SORCS3: variants seen among roughly 807,000 people sequenced by gnomAD.
SORCS3 encodes VPS10 domain-containing receptor SorCS3.
Under a neutral mutation model 146.3 loss-of-function variants are expected in SORCS3, and 57 were observed. That is an observed-to-expected ratio of 0.39 (90% CI 0.31 to 0.49). The LOEUF (loss-of-function observed/expected upper bound fraction) is 0.49. Among genes scored for constraint, SORCS3 ranks in the 20% least tolerant of loss-of-function variants. The probability of loss-of-function intolerance (pLI) is 0.92; values close to 1 mark genes in which losing one functional copy is unlikely to be tolerated. For synonymous variants in SORCS3, 653 were observed against 618.5 expected, an observed-to-expected ratio of 1.06 and a Z score of -0.83; for missense variants, 1,341 against 1,575.5, an observed-to-expected ratio of 0.85 and a Z score of 2.52.
chr10:104,817,235 C>T (rs1426076448), intron 1 of SORCS3, among the ~76,000 whole-genome samples: 2 of 152,190 alleles, frequency 1.3e-5, no homozygotes, highest in African/African-American at 4.8e-5. Flanking sequence ...TTAAGGGAAA[C>T]TACCCCTTAT....
intron 5 of SORCS3, among the ~76,000 whole-genome samples, chr10:105,082,753 C>T (rs2055633757): frequency 6.6e-6 from 1 of 152,080 alleles, no homozygotes; most frequent in African/African-American, 2.4e-5. Flanking sequence ...TATTTTTAGA[C>T]AGAGTCTCAC....
intron 3 of SORCS3, among the ~76,000 whole-genome samples, chr10:104,970,463 G>A (rs184313603): frequency 1.1e-4 from 16 of 152,134 alleles, no homozygotes; most frequent in African/African-American, 3.4e-4. Context: ...CATTATATTC[G>A]TCCTTTCAAA....
At chr10:105,219,006 C>A (rs2056681884) in intron 19 of SORCS3, among the ~76,000 whole-genome samples, 1 of 151,668 alleles carries the variant, frequency 6.6e-6, no homozygotes, top group Non-Finnish European at 1.5e-5. Flanking sequence ...CAGAGCGAGA[C>A]CCCGTCTCAA....
intron 1 of SORCS3, among the ~76,000 whole-genome samples, chr10:104,722,628 A>G (rs1281859706): frequency 5.3e-5 from 8 of 152,176 alleles, no homozygotes; most frequent in Middle Eastern, 3.4e-3. Flanking sequence ...TTGGTTGGTA[A>G]GCTATTAATT....
At chr10:105,155,421 C>G (rs886973758) in intron 9 of SORCS3, among the ~76,000 whole-genome samples, 7 of 152,230 alleles carry the variant, frequency 4.6e-5, no homozygotes, top group Admixed American at 4.6e-4. Flanking sequence ...GAGAGGGTAA[C>G]TGGTTTAGGG....
At position 104,925,253 on chromosome 10, in the gene SORCS3, T is replaced by C. The variant is rs141411341; in HGVS notation, c.795+9321T>C. On this transcript the variant is annotated intron_variant, in intron 3 of 26. Coordinates refer to ENST00000369701, the MANE Select transcript of SORCS3 (RefSeq NM_014978.3). Reference sequence around the variant, plus strand: ...GAAAATGAACTCAAAATGCTTTAATTTTTAACTGTAGAACACATGACTCGG... The same window carrying C: ...GAAAATGAACTCAAAATGCTTTAATCTTTAACTGTAGAACACATGACTCGG... Among the ~76,000 whole-genome samples, 22 of 152,328 alleles carry C rather than the reference T, an allele frequency of 1.4e-4. No homozygotes were observed. The East Asian group carries it at 4.2e-3, about 29-fold the overall frequency.
intron 1 of SORCS3, among the ~76,000 whole-genome samples, chr10:104,718,544 G>T (rs1440874201): frequency 5.3e-5 from 8 of 152,126 alleles, no homozygotes; most frequent in Admixed American, 2.0e-4. Context: ...GTTTGTGTAG[G>T]GGGGTGCCTC....
intron 14 of SORCS3, among the ~76,000 whole-genome samples, chr10:105,182,096 G>C (rs1320317999): frequency 6.6e-6 from 1 of 152,048 alleles, no homozygotes; most frequent in Non-Finnish European, 1.5e-5. Context: ...TCTTAGAAGG[G>C]AGAAGTACAG....
At chr10:104,670,031 A>T (rs1377721008) in intron 1 of SORCS3, among the ~76,000 whole-genome samples, 1 of 152,020 alleles carries the variant, frequency 6.6e-6, no homozygotes, top group Admixed American at 6.6e-5. Context: ...CCTTTGGAGA[A>T]ATGTCTATTC....
intron 4 of SORCS3, among the ~76,000 whole-genome samples, chr10:105,022,314 C>CT (rs1337355819): frequency 5.3e-5 from 3 of 56,312 alleles, no homozygotes; most frequent in Non-Finnish European, 1.0e-4. Context: ...TTTTTTTTTT[C>CT]GAGACGGAGT....
chr10:104,679,717 G>T (rs760185227), intron 1 of SORCS3, among the ~76,000 whole-genome samples: 15 of 152,170 alleles, frequency 9.9e-5, no homozygotes, highest in Admixed American at 7.2e-4. Flanking sequence ...CTTGCCGAGG[G>T]CTCTTGATTG....
chr10:104,648,082 C>T (rs1013738184), intron 1 of SORCS3, among the ~76,000 whole-genome samples: 4 of 152,194 alleles, frequency 2.6e-5, no homozygotes, highest in African/African-American at 9.7e-5. Flanking sequence ...TAACACATGA[C>T]AACAAGACAG....
At chr10:104,947,100 AC>A (rs2019379577) in intron 3 of SORCS3, among the ~76,000 whole-genome samples, 1 of 152,140 alleles carries the variant, frequency 6.6e-6, no homozygotes, top group African/African-American at 2.4e-5. Flanking sequence ...ACAAATCCGC[AC>A]CGATATGTGG....
At chr10:104,907,551 T>A (rs2018919548) in intron 2 of SORCS3, among the ~76,000 whole-genome samples, 1 of 152,210 alleles carries the variant, frequency 6.6e-6, no homozygotes, top group South Asian at 2.1e-4. Context: ...CTACAACTTA[T>A]CTGATCCGAA....
intron 4 of SORCS3, among the ~76,000 whole-genome samples, chr10:105,032,715 A>G (rs776608331): frequency 1.3e-5 from 2 of 152,208 alleles, no homozygotes; most frequent in Non-Finnish European, 2.9e-5. Context: ...TAAGAGATTT[A>G]AGTTCTTCTC....
intron 1 of SORCS3, among the ~76,000 whole-genome samples, chr10:104,658,704 A>G (rs929118958): frequency 2.0e-5 from 3 of 152,158 alleles, no homozygotes; most frequent in Non-Finnish European, 2.9e-5. Flanking sequence ...AGTGTCTATT[A>G]TGTGCTCAAA....
chr10:104,823,591 C>T (rs1433869856), intron 1 of SORCS3, among the ~76,000 whole-genome samples: 1 of 152,154 alleles, frequency 6.6e-6, no homozygotes, highest in Non-Finnish European at 1.5e-5. Context: ...ACCCTTCATA[C>T]TCCTGGCCAT....
At chr10:105,153,713 G>A (rs1469478971) in intron 9 of SORCS3, among the ~76,000 whole-genome samples, 5 of 151,568 alleles carry the variant, frequency 3.3e-5, no homozygotes, top group South Asian at 2.1e-4. Flanking sequence ...GTAACTCATC[G>A]CAGGTGTGAT....
At chr10:105,012,033 T>C (rs973836668) in intron 4 of SORCS3, among the ~76,000 whole-genome samples, 82 of 152,114 alleles carry the variant, frequency 5.4e-4, no homozygotes, top group African/African-American at 1.7e-3. Flanking sequence ...TCAGGGAAGG[T>C]CTCATCAAGG....
Sources: allele counts gnomAD v4.1 joint callset (sites outside exome capture counted in the v4.1 genomes callset), GRCh38; gene constraint gnomAD v4.1.1; transcripts MANE v1.5; gene names NCBI Gene and HGNC (gene_info 2026-07-23, HGNC 2026-07-21).